The following SLC25A21 variants were observed in gnomAD, a reference collection of about 807,000 sequenced individuals.
SLC25A21 encodes solute carrier family 25 member 21.
In SLC25A21, 47 loss-of-function variants were observed where a neutral mutation model predicts 43.8. That is an observed-to-expected ratio of 1.07 (90% CI 0.85 to 1.37). The LOEUF is 1.37. SLC25A21 is among the 40% of genes most tolerant of loss of function. SLC25A21 has a pLI of 0.00. For missense variants in SLC25A21, 352 were observed against 350.2 expected (o/e 1.00, Z -0.04); for synonymous variants, 131 against 121.3 (o/e 1.08, Z -0.52).
intron 1 of SLC25A21, among the ~76,000 whole-genome samples, chr14:36,909,905 A>T (rs1197908869): frequency 6.6e-6 from 1 of 152,150 alleles, no homozygotes; most frequent in Non-Finnish European, 1.5e-5. Flanking sequence ...CTCCTACCTA[A>T]ATACGAACAT....
chr14:37,058,641 A>C (rs956640772), intron 1 of SLC25A21, among the ~76,000 whole-genome samples: 2 of 152,226 alleles, frequency 1.3e-5, no homozygotes, highest in African/African-American at 4.8e-5. Context: ...ATTTAGTCTA[A>C]ACAGAAGGTT....
chr14:37,002,684 A>G (rs1235313530), intron 1 of SLC25A21, among the ~76,000 whole-genome samples: 1 of 152,154 alleles, frequency 6.6e-6, no homozygotes, highest in African/African-American at 2.4e-5. Context: ...AGAATACTAA[A>G]TGCGATAACA....
At chr14:36,738,778 T>TA (rs1885141164) in intron 3 of SLC25A21, among the ~76,000 whole-genome samples, 1 of 152,238 alleles carries the variant, frequency 6.6e-6, no homozygotes, top group Non-Finnish European at 1.5e-5. Context: ...CTGTCCTATG[T>TA]AAAAAAGTAT....
At chr14:37,145,783 G>A (rs1357280684) in intron 1 of SLC25A21, among the ~76,000 whole-genome samples, 1 of 152,020 alleles carries the variant, frequency 6.6e-6, no homozygotes, top group African/African-American at 2.4e-5. Context: ...CCAGGTATTA[G>A]GAAAAAACAG....
rs1566587801 is a variant in SLC25A21, at chr14:36,764,107, G to GGAAGGAAA, written c.204-29542_204-29535dup. Among the ~76,000 whole-genome samples, 43 of 43,096 alleles carry GGAAGGAAA rather than the reference G, an allele frequency of 1.0e-3. 2 individuals carry two copies. Among genetic ancestry groups the GGAAGGAAA allele is most frequent in the African/African-American group, 3.3e-3 (40 of 11,946 alleles). The allele number at this position is 43,096 out of a possible 152,430, so 28.3% of individuals were successfully genotyped here. On this transcript the variant is annotated intron_variant, in intron 3 of 9. Transcript: ENST00000331299. ...AGGAAGGAAGGAAGGAAGGAAGGAA[G>GGAAGGAAA]GAAGGAAAGAAGGAAAGAAGGAAAG...
rs922708287 is a variant in SLC25A21, at chr14:37,172,583, T to C, written c.-233A>G. On this transcript the variant is annotated 5_prime_UTR_variant, in exon 1 of 10. Coordinates refer to ENST00000331299, the MANE Select transcript of SLC25A21 (RefSeq NM_030631.4). ...GCGCTCTCGCAGAGGCGCCCTCGGC[T>C]CCGAAAATGTCTCTGGAAAGAAGAC... is the stretch of plus-strand genomic sequence containing the variant. 5 of 695,412 alleles carry C rather than the reference T, an allele frequency of 7.2e-6. No individual in the cohort carries two copies. Among genetic ancestry groups the C allele is most frequent in the African/African-American group, 5.3e-5 (3 of 57,100 alleles). The allele number at this position is 695,412 out of a possible 1,614,324, so 43.1% of individuals were successfully genotyped here.
intron 1 of SLC25A21, among the ~76,000 whole-genome samples, chr14:36,929,394 A>C (rs1892224746): frequency 6.6e-6 from 1 of 152,168 alleles, no homozygotes; most frequent in South Asian, 2.1e-4. Context: ...AGGTTTAATA[A>C]TGTTTTTAAT....
intron 1 of SLC25A21, among the ~76,000 whole-genome samples, chr14:36,954,567 C>T (rs76780176): frequency 0.12 from 18,363 of 151,450 alleles, 1,186 homozygotes; most frequent in East Asian, 0.22. Flanking sequence ...ATATATGTAT[C>T]ATGTATAATA....
intron 1 of SLC25A21, among the ~76,000 whole-genome samples, chr14:36,883,785 A>T (rs1349472010): frequency 6.6e-6 from 1 of 152,312 alleles, no homozygotes; most frequent in East Asian, 1.9e-4. Context: ...AGAATCCACG[A>T]TGATAATTTT....
At chr14:36,982,042 A>C (rs1278528985) in intron 1 of SLC25A21, among the ~76,000 whole-genome samples, 1 of 152,150 alleles carries the variant, frequency 6.6e-6, no homozygotes, top group Non-Finnish European at 1.5e-5. Context: ...TTAAGGTATG[A>C]CTATAGTGAT....
chr14:37,100,540 TGAG>T (rs1184786867), intron 1 of SLC25A21, among the ~76,000 whole-genome samples: 17 of 152,350 alleles, frequency 1.1e-4, no homozygotes, highest in African/African-American at 2.6e-4. Context: ...TACTTAAGAC[TGAG>T]GTAGAAATGT....
chr14:36,756,783 CA>C (rs1885949273), intron 3 of SLC25A21, among the ~76,000 whole-genome samples: 2 of 152,074 alleles, frequency 1.3e-5, no homozygotes, highest in African/African-American at 4.8e-5. Context: ...ATCATAAAAG[CA>C]ATACATATTC....
chr14:36,994,196 T>G (rs74045222), intron 1 of SLC25A21, among the ~76,000 whole-genome samples: 3,987 of 152,200 alleles, frequency 0.026, 200 homozygotes, highest in African/African-American at 0.091. Context: ...CCCAAACTAC[T>G]TGTTACCTGC....
At chr14:36,941,809 T>A (rs967237953) in intron 1 of SLC25A21, among the ~76,000 whole-genome samples, 4 of 151,956 alleles carry the variant, frequency 2.6e-5, no homozygotes. Flanking sequence ...AAATACATAA[T>A]TTTAGAGGTT....
At chr14:36,749,185 G>A (rs1472976550) in intron 3 of SLC25A21, among the ~76,000 whole-genome samples, 1 of 152,178 alleles carries the variant, frequency 6.6e-6, no homozygotes, top group Non-Finnish European at 1.5e-5. Context: ...CTATGTGGCT[G>A]TGCTGGAGTC....
Position 36,679,322 on chromosome 14 carries a change from T to TTA in SLC25A21, c.*1334_*1335dup, listed in dbSNP as rs1882078641. 1.0e-6 allele frequency: 1 copy of TTA among 971,972 alleles called. No individual in the cohort carries two copies. The highest frequency in any genetic ancestry group is 1.8e-5 in the African/African-American group (1 of 56,880). The allele number at this position is 971,972 out of a possible 1,614,324, so 60.2% of individuals were successfully genotyped here. On this transcript the variant is annotated 3_prime_UTR_variant, in exon 10 of 10. Coordinates refer to ENST00000331299, the MANE Select transcript of SLC25A21 (RefSeq NM_030631.4). ...ACAGTATGTCAAAAGCCTTTTATTT[T>TTA]TATACTTCAAATGCTCTAAATTAAT...
chr14:36,775,589 C>T (rs969674856), intron 3 of SLC25A21, among the ~76,000 whole-genome samples: 5 of 152,050 alleles, frequency 3.3e-5, no homozygotes, highest in Non-Finnish European at 7.4e-5. Context: ...AGCAAGACTT[C>T]GAATAATGGG....
intron 2 of SLC25A21, among the ~76,000 whole-genome samples, chr14:36,820,005 A>C (rs1275141069): frequency 3.3e-5 from 5 of 152,186 alleles, no homozygotes; most frequent in Non-Finnish European, 4.4e-5. Flanking sequence ...TGCATAGCAC[A>C]CGACTCTGCT....
At chr14:37,069,872 C>T (rs1010909373) in intron 1 of SLC25A21, among the ~76,000 whole-genome samples, 3 of 152,152 alleles carry the variant, frequency 2.0e-5, no homozygotes, top group African/African-American at 7.2e-5. Flanking sequence ...CAAGAAAAGG[C>T]TTGACACAAG....
Sources: gnomAD v4.1 joint callset for allele counts (sites outside exome capture counted in the v4.1 genomes callset) on GRCh38, gnomAD v4.1.1 for gene constraint, MANE v1.5 for transcripts, NCBI Gene and HGNC (gene_info 2026-07-23, HGNC 2026-07-21) for gene names.